Variants in PHYHIPL observed in about 807,000 individuals in gnomAD.
PHYHIPL encodes the protein phytanoyl-CoA 2-hydroxylase interacting protein like.
Under a neutral mutation model 33.4 loss-of-function variants are expected in PHYHIPL, and 9 were observed. That is an observed-to-expected ratio of 0.27 (90% CI 0.16 to 0.47). The LOEUF (loss-of-function observed/expected upper bound fraction) is 0.47, where lower values mean the gene tolerates loss of function less well. Among genes scored for constraint, PHYHIPL ranks in the 20% least tolerant of loss-of-function variants. The pLI is 0.99. For synonymous variants in PHYHIPL, 153 were observed against 154.1 expected, an observed-to-expected ratio of 0.99 and a Z score of 0.05; for missense variants, 365 against 460.7, an observed-to-expected ratio of 0.79 and a Z score of 1.90.
intron 1 of PHYHIPL, among the ~76,000 whole-genome samples, chr10:59,231,644 G>C (rs2133280440): frequency 6.6e-6 from 1 of 152,204 alleles, no homozygotes; most frequent in East Asian, 1.9e-4. Flanking sequence ...ATTTAACACA[G>C]TACTTTCAGT....
At chr10:59,186,312 T>A (rs1838600348) in intron 1 of PHYHIPL, among the ~76,000 whole-genome samples, 1 of 152,208 alleles carries the variant, frequency 6.6e-6, no homozygotes, top group African/African-American at 2.4e-5. Context: ...TCTGTTCTGT[T>A]CCATTGGTCT....
rs558613938 is a variant in PHYHIPL at position 59,177,579 on chromosome 10, T to C, written c.106+620T>C. 1.6e-4 allele frequency: 246 copies of C among 1,551,684 alleles called. No homozygotes were observed. The African/African-American group carries it at 3.0e-3, about 19-fold the overall frequency. ...GCTCTGAGTCAGACTGTCGAAAATA[T>C]TGGCCTAATATATGTGCTGTGATTC... On this transcript the variant is annotated intron_variant, in intron 1 of 4. Coordinates refer to ENST00000373880, the MANE Select transcript of PHYHIPL (RefSeq NM_032439.4).
At chr10:59,222,971 A>T (rs1839821991) in intron 1 of PHYHIPL, among the ~76,000 whole-genome samples, 1 of 152,212 alleles carries the variant, frequency 6.6e-6, no homozygotes, top group Non-Finnish European at 1.5e-5. Context: ...CAGGATTGTT[A>T]ACATTTACTC....
intron 1 of PHYHIPL, among the ~76,000 whole-genome samples, chr10:59,201,308 G>A (rs929538122): frequency 6.6e-6 from 1 of 152,202 alleles, no homozygotes; most frequent in South Asian, 2.1e-4. Flanking sequence ...CCTTCATTTT[G>A]TTATGTACCC....
upstream of PHYHIPL, among the ~76,000 whole-genome samples, chr10:59,173,698 T>C (rs1838203764): frequency 6.6e-6 from 1 of 152,096 alleles, no homozygotes; most frequent in African/African-American, 2.4e-5. Context: ...TTAAACAAGG[T>C]AGGTAAGATA....
intron 1 of PHYHIPL, among the ~76,000 whole-genome samples, chr10:59,201,988 G>C (rs1839133596): frequency 6.6e-6 from 1 of 152,094 alleles, no homozygotes; most frequent in African/African-American, 2.4e-5. Flanking sequence ...TAGAAGTTAG[G>C]AAGGAAAAGT....
chr10:59,205,243 G>A (rs1839253328), intron 1 of PHYHIPL, among the ~76,000 whole-genome samples: 1 of 152,092 alleles, frequency 6.6e-6, no homozygotes, highest in East Asian at 1.9e-4. Context: ...TGTGGACACT[G>A]TATTCATGTT....
chr10:59,239,737 G>A (rs929647517), intron 4 of PHYHIPL, among the ~76,000 whole-genome samples: 3 of 151,954 alleles, frequency 2.0e-5, no homozygotes, highest in Non-Finnish European at 4.4e-5. Flanking sequence ...TAAATAGCCA[G>A]ATGTCTGTTT....
intron 1 of PHYHIPL, among the ~76,000 whole-genome samples, chr10:59,185,615 C>T (rs1162543499): frequency 6.6e-6 from 1 of 152,202 alleles, no homozygotes; most frequent in African/African-American, 2.4e-5. Flanking sequence ...TCCACATCCT[C>T]TCCAGCACCT....
In PHYHIPL at chr10:59,176,825, G is replaced by A; in HGVS notation, c.-29G>A. On this transcript the variant is annotated 5_prime_UTR_variant, in exon 1 of 5. Coordinates refer to ENST00000373880, the MANE Select transcript of PHYHIPL (RefSeq NM_032439.4). Reference sequence around the variant, plus strand: ...CCGGCAGAGAGAGCCTGGATACGAAGCAGGCGGGCTTCAGAGTGGGTTGGA... The same window carrying A: ...CCGGCAGAGAGAGCCTGGATACGAAACAGGCGGGCTTCAGAGTGGGTTGGA... The A allele has an allele frequency of 1.9e-6, 3 of 1,590,190 alleles. No individual in the cohort carries two copies. Among genetic ancestry groups the A allele is most frequent in the Non-Finnish European group, 2.6e-6 (3 of 1,164,818 alleles).
At chr10:59,207,047 T>G (rs1839304318) in intron 1 of PHYHIPL, among the ~76,000 whole-genome samples, 1 of 152,202 alleles carries the variant, frequency 6.6e-6, no homozygotes, top group Non-Finnish European at 1.5e-5. Context: ...AGCAGAATCT[T>G]AAGTAAGGTA....
At chr10:59,213,188 A>G (rs540350412) in intron 1 of PHYHIPL, among the ~76,000 whole-genome samples, 1 of 152,058 alleles carries the variant, frequency 6.6e-6, no homozygotes, top group South Asian at 2.1e-4. Context: ...ATCTAATCTC[A>G]TTTTCTCCAA....
chr10:59,200,055 T>C (rs1589268524), intron 1 of PHYHIPL, among the ~76,000 whole-genome samples: 2 of 152,304 alleles, frequency 1.3e-5, no homozygotes, highest in Middle Eastern at 6.8e-3. Context: ...TATTTCTTTC[T>C]CTTGCCTGAT....
intron 1 of PHYHIPL, among the ~76,000 whole-genome samples, chr10:59,188,834 T>A (rs1305925663): frequency 6.6e-6 from 1 of 152,108 alleles, no homozygotes; most frequent in East Asian, 1.9e-4. Flanking sequence ...TCTTCCTCCA[T>A]CCCTTTATTT....
Position 59,212,007 on chromosome 10 carries a change from G to A in PHYHIPL, c.107-22297G>A, listed in dbSNP as rs750610315. ...GGTGATTAGGTCATGCGGGCTTTGC[G>A]CTCATGAATGGATTAATCCATTTAT... is the stretch of plus-strand genomic sequence containing the variant. On this transcript the variant is annotated intron_variant, in intron 1 of 4. Transcript: ENST00000373880. 1.4e-4 allele frequency among the ~76,000 whole-genome samples: 21 copies of A among 152,204 alleles called. No individual in the cohort carries two copies. In the South Asian group the frequency reaches 2.7e-3, roughly 20 times the overall value.
At chr10:59,232,130 TCATA>T (rs1840099211) in intron 1 of PHYHIPL, among the ~76,000 whole-genome samples, 2 of 152,020 alleles carry the variant, frequency 1.3e-5, no homozygotes, top group African/African-American at 4.8e-5. Flanking sequence ...ATGTTCTCAC[TCATA>T]GGTGGGAATT....
chr10:59,179,699 C>T (rs1213906285), intron 1 of PHYHIPL, among the ~76,000 whole-genome samples: 1 of 151,918 alleles, frequency 6.6e-6, no homozygotes, highest in Non-Finnish European at 1.5e-5. Flanking sequence ...TGTCACTTGC[C>T]TATTTTCCTA....
intron 1 of PHYHIPL, among the ~76,000 whole-genome samples, chr10:59,179,885 ACT>A (rs1838355439): frequency 7.1e-6 from 1 of 140,896 alleles, no homozygotes; most frequent in Non-Finnish European, 1.6e-5. Flanking sequence ...ACACACACAC[ACT>A]ACCTCATGGA....
At chr10:59,204,895 G>A (rs1489962095) in intron 1 of PHYHIPL, among the ~76,000 whole-genome samples, 6 of 134,088 alleles carry the variant, frequency 4.5e-5, no homozygotes, top group South Asian at 2.3e-4. Flanking sequence ...GACAATTTTC[G>A]CTCTTATTGC....
Sources: allele counts gnomAD v4.1 joint callset (sites outside exome capture counted in the v4.1 genomes callset), GRCh38; gene constraint gnomAD v4.1.1; transcripts MANE v1.5; gene names NCBI Gene and HGNC (gene_info 2026-07-23, HGNC 2026-07-21).